TCF4: variants seen among roughly 807,000 people sequenced by gnomAD.
The protein encoded by TCF4 is transcription factor 4.
Under a neutral mutation model 82.1 loss-of-function variants are expected in TCF4, and 3 were observed. That is an observed-to-expected ratio of 0.04 (90% CI 0.02 to 0.09). TCF4 has a LOEUF of 0.09. Among genes scored for constraint, TCF4 ranks in the 10% least tolerant of loss-of-function variants. The pLI is 1.00. For synonymous variants in TCF4, 276 were observed against 309.6 expected (o/e 0.89, Z 1.14); for missense variants, 518 against 852.7 (o/e 0.61, Z 4.89).
chr18:55,420,565 C>T (rs997889722), intron 5 of TCF4, among the ~76,000 whole-genome samples: 1 of 152,056 alleles, frequency 6.6e-6, no homozygotes, highest in Admixed American at 6.6e-5. Context: ...CCCAGGATTC[C>T]GGGGGCTAAT....
chr18:55,623,396 C>T (rs971578468), intron 2 of TCF4, among the ~76,000 whole-genome samples: 6 of 152,036 alleles, frequency 3.9e-5, no homozygotes, highest in African/African-American at 1.4e-4. Flanking sequence ...AAATAATAAA[C>T]AGAAAATGTA....
At chr18:55,621,848 G>C (rs1430283500) in intron 2 of TCF4, among the ~76,000 whole-genome samples, 1 of 21,220 alleles carries the variant, frequency 4.7e-5, no homozygotes, top group Non-Finnish European at 1.6e-4. Context: ...TATATACAAT[G>C]TATGTATTAT....
At chr18:55,246,848 A>C (rs1347392726) in intron 15 of TCF4, among the ~76,000 whole-genome samples, 1 of 152,232 alleles carries the variant, frequency 6.6e-6, no homozygotes, top group African/African-American at 2.4e-5. Context: ...TAGAGAAGGC[A>C]AATATCCTAA....
At chr18:55,464,221 T>G in intron 3 of TCF4, 84 bp from the exon 4 acceptor site, 3 of 1,220,198 alleles carry the variant, frequency 2.5e-6, no homozygotes, top group Non-Finnish European at 3.6e-6. Flanking sequence ...ATGTTTCAAA[T>G]TAATCTCCTG....
intron 15 of TCF4, 124 bp downstream of exon 15, chr18:55,254,373 A>C: frequency 1.1e-6 from 1 of 892,548 alleles, no homozygotes; most frequent in East Asian, 2.6e-5. Flanking sequence ...AAATGGGCTC[A>C]TCGTATGTTA....
At chr18:55,359,507 C>CG (rs2084523801) in intron 6 of TCF4, among the ~76,000 whole-genome samples, 1 of 152,106 alleles carries the variant, frequency 6.6e-6, no homozygotes, top group African/African-American at 2.4e-5. Context: ...GGGTGGGCCC[C>CG]GGTACACAGT....
chr18:55,328,479 A>G (rs191674943), intron 8 of TCF4, among the ~76,000 whole-genome samples: 25 of 152,294 alleles, frequency 1.6e-4, no homozygotes, highest in Non-Finnish European at 3.1e-4. Context: ...TTTTGGTACA[A>G]TGAGGAAGCA....
chr18:55,509,553 TCC>T (rs1399348241), intron 3 of TCF4, among the ~76,000 whole-genome samples: 1 of 152,136 alleles, frequency 6.6e-6, no homozygotes, highest in African/African-American at 2.4e-5. Flanking sequence ...GAAAGAATGA[TCC>T]CCACTAAAAA....
At chr18:55,512,325 C>T (rs2096836971) in intron 3 of TCF4, among the ~76,000 whole-genome samples, 1 of 152,114 alleles carries the variant, frequency 6.6e-6, no homozygotes, top group Non-Finnish European at 1.5e-5. Flanking sequence ...TTAAAAATCA[C>T]ACTTTCAAAA....
chr18:55,445,063 T>G (rs2095502550), intron 5 of TCF4, among the ~76,000 whole-genome samples: 1 of 152,238 alleles, frequency 6.6e-6, no homozygotes, highest in South Asian at 2.1e-4. Flanking sequence ...AATCACCTCC[T>G]GAGTAATCTC....
At chr18:55,325,740 A>C (rs548639502) in intron 8 of TCF4, among the ~76,000 whole-genome samples, 1 of 152,174 alleles carries the variant, frequency 6.6e-6, no homozygotes, top group Non-Finnish European at 1.5e-5. Flanking sequence ...AGTATAAGAC[A>C]TTGCTTATTT....
chr18:55,383,369 T>C (rs2092223146), intron 6 of TCF4, among the ~76,000 whole-genome samples: 1 of 152,158 alleles, frequency 6.6e-6, no homozygotes, highest in Non-Finnish European at 1.5e-5. Context: ...CTAAATCAAA[T>C]GTTCAAATAA....
At chr18:55,516,289 A>C (rs2096880953) in intron 3 of TCF4, among the ~76,000 whole-genome samples, 1 of 152,166 alleles carries the variant, frequency 6.6e-6, no homozygotes, top group Admixed American at 6.5e-5. Flanking sequence ...TCTATGACAT[A>C]TCTGAAAGCA....
At chr18:55,241,948 G>A (rs952654657) in intron 15 of TCF4, among the ~76,000 whole-genome samples, 5 of 152,176 alleles carry the variant, frequency 3.3e-5, no homozygotes, top group African/African-American at 1.2e-4. Context: ...CAGGACCAAT[G>A]CAGTTCCCTC....
At chr18:55,294,218 C>T (rs1024838831) in intron 8 of TCF4, among the ~76,000 whole-genome samples, 10 of 150,968 alleles carry the variant, frequency 6.6e-5, no homozygotes, top group Non-Finnish European at 5.9e-5. Context: ...CGTGATCGCG[C>T]CACTGCACTC....
chr18:55,379,542 C>T (rs927467165), intron 6 of TCF4, among the ~76,000 whole-genome samples: 3 of 152,094 alleles, frequency 2.0e-5, no homozygotes, highest in Non-Finnish European at 4.4e-5. Flanking sequence ...GGGGATTCAC[C>T]AGGAAGAAGA....
chr18:55,489,771 G>A (rs1324575472), intron 3 of TCF4, among the ~76,000 whole-genome samples: 15 of 152,028 alleles, frequency 9.9e-5, no homozygotes, highest in Non-Finnish European at 1.8e-4. Context: ...TCCCCCACAG[G>A]ACTCACCAAC....
At chr18:55,510,644 T>C (rs1226547679) in intron 3 of TCF4, 2 of 1,511,204 alleles carry the variant, frequency 1.3e-6, no homozygotes, top group South Asian at 1.2e-5. Flanking sequence ...GTGATTAAAA[T>C]TCTAAAATAC....
At chr18:55,624,004 A>C (rs1003150372) in intron 2 of TCF4, among the ~76,000 whole-genome samples, 4 of 152,174 alleles carry the variant, frequency 2.6e-5, no homozygotes, top group African/African-American at 9.7e-5. Flanking sequence ...TAATTGTGGC[A>C]AATTTGAGAA....
Sources: gnomAD v4.1 joint callset for allele counts (sites outside exome capture counted in the v4.1 genomes callset) on GRCh38, gnomAD v4.1.1 for gene constraint, MANE v1.5 for transcripts, NCBI Gene and HGNC (gene_info 2026-07-23, HGNC 2026-07-21) for gene names.